The following MACROD2 variants were observed in gnomAD, a reference collection of about 807,000 sequenced individuals.
The protein encoded by MACROD2 is ADP-ribose glycohydrolase MACROD2.
MACROD2 carries 36 observed loss-of-function variants against 70.4 expected under a neutral mutation model. The ratio of observed to expected loss-of-function variants is 0.51; its 90% CI spans 0.39 to 0.68. MACROD2 has a LOEUF of 0.68. Among genes scored for constraint, MACROD2 ranks in the 30% least tolerant of loss-of-function variants. The pLI, the probability that MACROD2 is intolerant of heterozygous loss-of-function variation, is 0.00. For missense variants in MACROD2, 496 were observed against 538.4 expected, an observed-to-expected ratio of 0.92 and a Z score of 0.78; for synonymous variants, 172 against 178.8, an observed-to-expected ratio of 0.96 and a Z score of 0.30.
At chr20:15,430,285 C>A (rs2046348250) in intron 6 of MACROD2, among the ~76,000 whole-genome samples, 1 of 151,748 alleles carries the variant, frequency 6.6e-6, no homozygotes, top group Non-Finnish European at 1.5e-5. Flanking sequence ...ATAATAATTT[C>A]TTTTCCTTTG....
At chr20:14,585,512 C>T (rs193030655) in intron 4 of MACROD2, among the ~76,000 whole-genome samples, 22 of 152,000 alleles carry the variant, frequency 1.4e-4, no homozygotes, top group African/African-American at 5.3e-4. Flanking sequence ...TATAGGTAAT[C>T]TTTACAGATG....
chr20:14,881,164 A>G lies in MACROD2; in HGVS notation c.418+196205A>G, dbSNP rs560002049. Among the ~76,000 whole-genome samples, 14 of 151,988 alleles carry G rather than the reference A, an allele frequency of 9.2e-5. No individual in the cohort carries two copies. In the South Asian group the frequency reaches 2.9e-3, roughly 32 times the overall value. On this transcript the variant is annotated intron_variant, in intron 5 of 17. Coordinates refer to ENST00000684519, the MANE Select transcript of MACROD2 (RefSeq NM_001351661.2). The stretch of plus-strand genomic sequence containing the variant: ...GGAAAGGAAAATATTAATTCCTGCT[A>G]GGCCCTTGTCAGTGGGATCTTCTCC...
At chr20:14,976,784 AT>A (rs2074743575) in intron 5 of MACROD2, among the ~76,000 whole-genome samples, 1 of 152,098 alleles carries the variant, frequency 6.6e-6, no homozygotes, top group Admixed American at 6.5e-5. Flanking sequence ...CTGTGGTCCC[AT>A]TTCCTCGTGT....
At chr20:15,272,463 A>C (rs967686884) in intron 6 of MACROD2, among the ~76,000 whole-genome samples, 1 of 152,206 alleles carries the variant, frequency 6.6e-6, no homozygotes, top group Non-Finnish European at 1.5e-5. Flanking sequence ...CTGATTTATA[A>C]GGTCAATCTT....
At chr20:14,635,188 G>A (rs774999752) in intron 4 of MACROD2, among the ~76,000 whole-genome samples, 22 of 152,242 alleles carry the variant, frequency 1.4e-4, no homozygotes, top group East Asian at 3.9e-4. Flanking sequence ...AATTATTTCC[G>A]TTTTCCTCAT....
chr20:14,599,130 T>C (rs752649550), intron 4 of MACROD2, among the ~76,000 whole-genome samples: 1 of 152,104 alleles, frequency 6.6e-6, no homozygotes, highest in Non-Finnish European at 1.5e-5. Flanking sequence ...TAAATGTATA[T>C]ATTAAGTATA....
chr20:16,034,739 T>C (rs1601357220), intron 15 of MACROD2, among the ~76,000 whole-genome samples: 1 of 151,866 alleles, frequency 6.6e-6, no homozygotes, highest in East Asian at 1.9e-4. Flanking sequence ...TGGTGATTTG[T>C]GAGATCCTGG....
intron 5 of MACROD2, among the ~76,000 whole-genome samples, chr20:14,860,678 A>G (rs1304911785): frequency 6.6e-6 from 1 of 152,078 alleles, no homozygotes; most frequent in Non-Finnish European, 1.5e-5. Flanking sequence ...CAATCCTTTC[A>G]CATAAAAGAG....
intron 8 of MACROD2, among the ~76,000 whole-genome samples, chr20:15,833,825 A>T (rs2064083895): frequency 6.6e-6 from 1 of 152,198 alleles, no homozygotes; most frequent in Non-Finnish European, 1.5e-5. Context: ...TGTTCTCCAA[A>T]TTCATCTCAT....
At chr20:15,963,098 T>C (rs1423975870) in intron 12 of MACROD2, among the ~76,000 whole-genome samples, 1 of 152,176 alleles carries the variant, frequency 6.6e-6, no homozygotes, top group African/African-American at 2.4e-5. Context: ...AGAGATTCTA[T>C]AGAGCAGGCC....
intron 5 of MACROD2, among the ~76,000 whole-genome samples, chr20:15,216,331 G>A (rs1188641407): frequency 2.0e-5 from 3 of 151,574 alleles, no homozygotes; most frequent in African/African-American, 7.3e-5. Flanking sequence ...CACCTACTAT[G>A]TACCCACAAA....
In MACROD2 at chr20:14,288,628, A is replaced by G. The variant is rs1302658610; in HGVS notation, c.271+202900A>G. On this transcript the variant is annotated intron_variant, in intron 3 of 17. Coordinates refer to ENST00000684519, the MANE Select transcript of MACROD2 (RefSeq NM_001351661.2). ...CTTAACACCATGGGAGGTGAACCCA[A>G]TCTTAACTTTGTTCTTTTCTGTCAT... 2.0e-5 allele frequency among the ~76,000 whole-genome samples: 3 copies of G among 151,958 alleles called. No individual in the cohort carries two copies. In the East Asian group the frequency reaches 5.8e-4, roughly 29 times the overall value.
chr20:15,874,029 A>G (rs2064626135), intron 9 of MACROD2, among the ~76,000 whole-genome samples: 1 of 151,794 alleles, frequency 6.6e-6, no homozygotes, highest in East Asian at 1.9e-4. Context: ...CTTGTCATTT[A>G]CCTTAGGTAT....
At chr20:15,402,046 ACCACTCATGAC>A (rs2045937488) in intron 6 of MACROD2, among the ~76,000 whole-genome samples, 1 of 152,210 alleles carries the variant, frequency 6.6e-6, no homozygotes. Flanking sequence ...TCCCCTCTGC[ACCACTCATGAC>A]CTCATACTCC....
At chr20:14,514,570 T>C (rs2085069596) in intron 4 of MACROD2, among the ~76,000 whole-genome samples, 1 of 152,136 alleles carries the variant, frequency 6.6e-6, no homozygotes, top group Admixed American at 6.6e-5. Context: ...AATAAACCTC[T>C]GTTCTGTTAA....
chr20:15,435,449 T>A lies in MACROD2; in HGVS notation c.571+4014T>A, dbSNP rs143194094. ...TATATGGACATGTTTAACTGTATTG[T>A]GAAATACCAAACTGTTTTCTAAAGT... On this transcript the variant is annotated intron_variant, in intron 7 of 17. Coordinates refer to ENST00000684519, the MANE Select transcript of MACROD2 (RefSeq NM_001351661.2). Among the ~76,000 whole-genome samples, 630 of 152,252 alleles carry A rather than the reference T, an allele frequency of 4.1e-3. 1 individual carries two copies. The highest frequency in any genetic ancestry group is 6.4e-3 in the Non-Finnish European group (437 of 67,994).
intron 3 of MACROD2, among the ~76,000 whole-genome samples, chr20:14,196,685 G>A (rs1247855981): frequency 6.6e-6 from 1 of 152,200 alleles, no homozygotes; most frequent in Non-Finnish European, 1.5e-5. Flanking sequence ...ATACAGCTAG[G>A]CTTTGGAAAT....
In MACROD2 at chr20:14,169,211, C is replaced by T. The variant is rs549579087; in HGVS notation, c.271+83483C>T. Among the ~76,000 whole-genome samples the T allele has an allele frequency of 2.0e-5, 3 of 152,206 alleles. No individual in the cohort carries two copies. In the East Asian group the frequency reaches 5.8e-4, roughly 29 times the overall value. ...CATAGAAGAGACATACATACCTTAA[C>T]TGGAACATGACAGGGGAAACAAAAG... On this transcript the variant is annotated intron_variant, in intron 3 of 17. Transcript: ENST00000684519.
intron 8 of MACROD2, among the ~76,000 whole-genome samples, chr20:15,535,059 TC>T (rs2146554701): frequency 6.6e-6 from 1 of 152,254 alleles, no homozygotes; most frequent in East Asian, 1.9e-4. Flanking sequence ...CACTGCAGCC[TC>T]CAACTCCTGG....
Sources: allele counts gnomAD v4.1 joint callset (sites outside exome capture counted in the v4.1 genomes callset), GRCh38; gene constraint gnomAD v4.1.1; transcripts MANE v1.5; gene names NCBI Gene and HGNC (gene_info 2026-07-23, HGNC 2026-07-21).